Variants in RASGRP3 observed in about 807,000 individuals in gnomAD.
The protein encoded by RASGRP3 is RAS guanyl releasing protein 3, also known as ras guanyl-releasing protein 3.
Under a neutral mutation model 82.7 loss-of-function variants are expected in RASGRP3, and 54 were observed. That is an observed-to-expected ratio of 0.65 (90% CI 0.52 to 0.82). The LOEUF (loss-of-function observed/expected upper bound fraction) is 0.82, where lower values mean the gene tolerates loss of function less well. RASGRP3 is among the 40% of genes least tolerant of loss of function. The pLI is 0.00. For missense variants in RASGRP3, 861 were observed against 828.9 expected, an observed-to-expected ratio of 1.04 and a Z score of -0.48; for synonymous variants, 309 against 300.5, an observed-to-expected ratio of 1.03 and a Z score of -0.29.
Position 33,560,364 on chromosome 2 carries a change from C to T in RASGRP3, c.2064+1334C>T, listed in dbSNP as rs549323119. On this transcript the variant is annotated intron_variant, in intron 17 of 17. Transcript: ENST00000403687. The stretch of plus-strand genomic sequence containing the variant: ...CTATCCCCCTACTTCTTTTACTGGC[C>T]TAGCACAGTTCAAGCTGGGAATATA... 4.6e-5 allele frequency among the ~76,000 whole-genome samples: 7 copies of T among 152,228 alleles called. No individual in the cohort carries two copies. The South Asian group carries it at 1.5e-3, about 32-fold the overall frequency.
chr2:33,466,581 AG>A (rs1666709114), intron 2 of RASGRP3, among the ~76,000 whole-genome samples: 1 of 152,014 alleles, frequency 6.6e-6, no homozygotes, highest in South Asian at 2.1e-4. Context: ...CAGGAGGCTG[AG>A]GCAGGAGAAT....
At position 33,558,837 on chromosome 2, in the gene RASGRP3, G is replaced by C; in HGVS notation, c.1871G>C (p.Gly624Ala). ...ACTGAACCTGTCTGGTCAGAGGCTG[G>C]CTGGGGGGACTCGGGGTCCCACACC... ...TQTEPVWSEAGWGDSGSHTFP... is the reference protein window; with the variant it reads ...TQTEPVWSEAAWGDSGSHTFP... The change falls in exon 17 of 18, where the codon GGC becomes GCC. Residue 624 changes from glycine to alanine, a missense_variant. Coordinates refer to ENST00000403687, the MANE Select transcript of RASGRP3 (RefSeq NM_001139488.2). 1 of 1,614,026 alleles carries C rather than the reference G, an allele frequency of 6.2e-7. No homozygotes were observed. Among genetic ancestry groups the C allele is most frequent in the Non-Finnish European group, 8.5e-7 (1 of 1,179,904 alleles).
chr2:33,508,808 G>C (rs1350688827), intron 1 of RASGRP3, among the ~76,000 whole-genome samples: 1 of 152,184 alleles, frequency 6.6e-6, no homozygotes, highest in East Asian at 1.9e-4. Flanking sequence ...TTGAGAGGAA[G>C]TTTAGTGTTC....
rs558806868 is a variant in RASGRP3 at position 33,511,131 on chromosome 2, T to C, written c.-260-579T>C. On this transcript the variant is annotated intron_variant, in intron 1 of 17. Transcript: ENST00000403687. The stretch of plus-strand genomic sequence containing the variant: ...CAAACCCTGGGAGAAATTTGGCTTA[T>C]TGTGTCCCTTTCAGACTTGGGAGAA... Among the ~76,000 whole-genome samples, 5 of 152,362 alleles carry C rather than the reference T, an allele frequency of 3.3e-5. No homozygotes were observed. The East Asian group carries it at 9.6e-4, about 29-fold the overall frequency.
At chr2:33,458,735 T>C (rs1389447449) in intron 2 of RASGRP3, among the ~76,000 whole-genome samples, 5 of 152,208 alleles carry the variant, frequency 3.3e-5, no homozygotes, top group African/African-American at 1.2e-4. Flanking sequence ...ACCAGCACCA[T>C]TGCATGCTGT....
At chr2:33,523,769 G>T in intron 7 of RASGRP3, 110 bp from the exon 8 acceptor site, 1 of 1,112,012 alleles carries the variant, frequency 9.0e-7, no homozygotes. Flanking sequence ...TGAAATAAAA[G>T]AAATTGTGTT....
intron 3 of RASGRP3, 77 bp from the exon 4 acceptor site, chr2:33,516,465 C>G: frequency 1.1e-6 from 1 of 942,374 alleles, no homozygotes; most frequent in East Asian, 2.7e-5. Flanking sequence ...TATGACACTA[C>G]TGCGTCTCTA....
chr2:33,451,377 G>T (rs1318035116), intron 2 of RASGRP3, among the ~76,000 whole-genome samples: 2 of 152,092 alleles, frequency 1.3e-5, no homozygotes, highest in Admixed American at 6.5e-5. Context: ...TCTACAGTCT[G>T]TTGATTATTT....
chr2:33,444,123 C>T (rs1413131405), intron 1 of RASGRP3, among the ~76,000 whole-genome samples: 1 of 151,812 alleles, frequency 6.6e-6, no homozygotes, highest in Non-Finnish European at 1.5e-5. Flanking sequence ...GGCAGCATGG[C>T]AAGACCCTGT....
intron 2 of RASGRP3, among the ~76,000 whole-genome samples, chr2:33,450,645 A>G (rs1665733230): frequency 6.6e-6 from 1 of 151,852 alleles, no homozygotes; most frequent in Non-Finnish European, 1.5e-5. Context: ...GGCTGATTCC[A>G]CATCTTGGCT....
chr2:33,448,151 A>T lies in RASGRP3; in HGVS notation c.-261+208A>T, dbSNP rs56097501. ...TGAATTTGCCCTCTTCAGAAATGCT[A>T]TAACATTTATATACTGTAATACTAT... On this transcript the variant is annotated intron_variant, in intron 2 of 18. Coordinates refer to the RASGRP3 transcript ENST00000402538. Among the ~76,000 whole-genome samples the T allele has an allele frequency of 8.9e-3, 1,357 of 152,330 alleles. 20 individuals are homozygous for T. Among genetic ancestry groups the T allele is most frequent in the African/African-American group, 0.031 (1,287 of 41,578 alleles).
chr2:33,442,818 T>G (rs972806756), intron 1 of RASGRP3, among the ~76,000 whole-genome samples: 3 of 152,018 alleles, frequency 2.0e-5, no homozygotes, highest in Non-Finnish European at 4.4e-5. Context: ...TCAGCTTTAT[T>G]CATGTAGCGA....
At chr2:33,442,847 ATAT>A (rs1483286684) in intron 1 of RASGRP3, among the ~76,000 whole-genome samples, 7 of 151,654 alleles carry the variant, frequency 4.6e-5, no homozygotes, top group African/African-American at 1.5e-4. Flanking sequence ...CATTACAAAG[ATAT>A]TATTGTTTTG....
chr2:33,525,262 G>A (rs540317124), intron 9 of RASGRP3, among the ~76,000 whole-genome samples: 2 of 152,048 alleles, frequency 1.3e-5, no homozygotes, highest in South Asian at 4.2e-4. Flanking sequence ...ATAACACTGT[G>A]TTGGGCACAT....
chr2:33,513,612 A>T (rs567212717), intron 2 of RASGRP3, among the ~76,000 whole-genome samples: 37 of 152,356 alleles, frequency 2.4e-4, no homozygotes, highest in African/African-American at 8.4e-4. Flanking sequence ...TAAAGTGGAT[A>T]AATGTCTTAC....
chr2:33,437,481 G>A (rs1327047203), intron 1 of RASGRP3, among the ~76,000 whole-genome samples: 1 of 152,258 alleles, frequency 6.6e-6, no homozygotes, highest in Non-Finnish European at 1.5e-5. Flanking sequence ...TTACCACAAT[G>A]ACTAACAGAG....
intron 4 of RASGRP3, among the ~76,000 whole-genome samples, chr2:33,517,955 A>G (rs1041451629): frequency 4.6e-5 from 7 of 152,212 alleles, no homozygotes; most frequent in African/African-American, 1.4e-4. Flanking sequence ...TGGCATATAC[A>G]CAAGCTCAAT....
intron 10 of RASGRP3, among the ~76,000 whole-genome samples, chr2:33,529,838 G>A (rs1345158648): frequency 6.8e-6 from 1 of 147,586 alleles, no homozygotes. Flanking sequence ...AAGAACCAGT[G>A]GAGCCTTAAG....
rs1673381324 is a variant in RASGRP3 at position 33,534,263 on chromosome 2, C to T, written c.1084-60C>T. On this transcript the variant is annotated intron_variant, in intron 10 of 17. Coordinates refer to ENST00000403687, the MANE Select transcript of RASGRP3 (RefSeq NM_001139488.2). Reference sequence around the variant, plus strand: ...ACATTCAACTTGAAAAAAAATTCAGCAACGTAAATAAATAAATAAATGTAA... The same window carrying T: ...ACATTCAACTTGAAAAAAAATTCAGTAACGTAAATAAATAAATAAATGTAA... The T allele has an allele frequency of 2.5e-6, 3 of 1,192,446 alleles. No homozygotes were observed. In the East Asian group the frequency reaches 7.5e-5, roughly 30 times the overall value. The allele number at this position is 1,192,446 out of a possible 1,614,324, so 73.9% of individuals were successfully genotyped here.
Sources: gnomAD v4.1 joint callset for allele counts (sites outside exome capture counted in the v4.1 genomes callset) on GRCh38, gnomAD v4.1.1 for gene constraint, MANE v1.5 for transcripts, NCBI Gene and HGNC (gene_info 2026-07-23, HGNC 2026-07-21) for gene names.